The following DPH6 variants were observed in gnomAD, a reference collection of about 807,000 sequenced individuals.
DPH6 encodes the protein diphthamine biosynthesis 6.
DPH6 carries 33 observed loss-of-function variants against 38.2 expected under a neutral mutation model. The observed-to-expected ratio is 0.86, with a 90% CI of 0.65 to 1.15. The LOEUF is 1.15. DPH6 is among the 50% of genes most tolerant of loss of function. The probability of loss-of-function intolerance (pLI) is 0.00; values close to 1 mark genes in which losing one functional copy is unlikely to be tolerated. For synonymous variants in DPH6, 108 were observed against 103.0 expected, an observed-to-expected ratio of 1.05 and a Z score of -0.30; for missense variants, 325 against 320.0, an observed-to-expected ratio of 1.02 and a Z score of -0.12.
At chr15:35,272,112 A>T (rs1338436222) in intron 3 of DPH6, among the ~76,000 whole-genome samples, 2 of 152,222 alleles carry the variant, frequency 1.3e-5, no homozygotes, top group Non-Finnish European at 2.9e-5. Context: ...AAAATATTTT[A>T]AAAAATCAAT....
At chr15:35,362,330 G>A (rs1359744287) in intron 3 of DPH6, among the ~76,000 whole-genome samples, 1 of 152,128 alleles carries the variant, frequency 6.6e-6, no homozygotes, top group Non-Finnish European at 1.5e-5. Context: ...TGGCCCTCAG[G>A]AATCCAAAAC....
intron 5 of DPH6, among the ~76,000 whole-genome samples, chr15:35,438,152 T>C (rs2141051121): frequency 6.6e-6 from 1 of 152,376 alleles, no homozygotes; most frequent in South Asian, 2.1e-4. Flanking sequence ...TTTTCTCTTC[T>C]TGTATCTCGT....
At chr15:35,356,604 G>T (rs1460817787) in intron 3 of DPH6, among the ~76,000 whole-genome samples, 2 of 152,174 alleles carry the variant, frequency 1.3e-5, no homozygotes, top group Non-Finnish European at 2.9e-5. Context: ...AGCGGATATT[G>T]GTGAACAGCA....
intron 3 of DPH6, among the ~76,000 whole-genome samples, chr15:35,236,596 G>A (rs1009317804): frequency 8.0e-5 from 12 of 150,438 alleles, no homozygotes; most frequent in East Asian, 1.9e-4. Flanking sequence ...CCCAGATCGC[G>A]CCACTGCACT....
chr15:35,148,851 C>T, the DPH6 span, among the ~76,000 whole-genome samples: 1 of 152,274 alleles, frequency 6.6e-6, no homozygotes, highest in African/African-American at 2.4e-5. Flanking sequence ...AAAAAGGGCA[C>T]AGAAATACCA....
At chr15:35,462,720 T>C (rs560689922) in intron 3 of DPH6, among the ~76,000 whole-genome samples, 1 of 152,342 alleles carries the variant, frequency 6.6e-6, no homozygotes, top group Non-Finnish European at 1.5e-5. Flanking sequence ...TACCTAAAAT[T>C]ATATCATTTT....
chr15:35,505,564 A>G (rs1204245267), intron 3 of DPH6, among the ~76,000 whole-genome samples: 1 of 152,084 alleles, frequency 6.6e-6, no homozygotes, highest in African/African-American at 2.4e-5. Context: ...GTTGCATTTA[A>G]TAATATGAGT....
intron 3 of DPH6, among the ~76,000 whole-genome samples, chr15:35,332,255 G>A (rs1337107399): frequency 6.6e-6 from 1 of 152,246 alleles, no homozygotes; most frequent in East Asian, 1.9e-4. Flanking sequence ...GTGTGTGAGT[G>A]TAAGTGGGTT....
At position 35,314,530 on chromosome 15, in the gene DPH6, T is replaced by A. The variant is rs1472273035; in HGVS notation, n.200+58991A>T. The stretch of plus-strand genomic sequence containing the variant: ...AACTGCTAACAAATGTCCAGTGCAG[T>A]GGTGGTTCGAGAAGTTTCACAAAGG... On this transcript the variant is annotated intron_variant and non_coding_transcript_variant, in intron 3 of 3. Transcript: ENST00000560386. Among the ~76,000 whole-genome samples, 3 of 152,074 alleles carry A rather than the reference T, an allele frequency of 2.0e-5. No individual in the cohort carries two copies. In the East Asian group the frequency reaches 5.8e-4, roughly 29 times the overall value.
At chr15:35,315,430 G>C (rs1566867407) in intron 3 of DPH6, among the ~76,000 whole-genome samples, 1 of 152,194 alleles carries the variant, frequency 6.6e-6, no homozygotes, top group Non-Finnish European at 1.5e-5. Context: ...ATGTGTTTGA[G>C]CATAGTTATA....
At chr15:35,166,493 G>T in the DPH6 span, among the ~76,000 whole-genome samples, 33,058 of 151,720 alleles carry the variant, frequency 0.22, 3,812 homozygotes, top group East Asian at 0.39. Context: ...GCCCAGTCAA[G>T]AACTTAGAAG....
intron 3 of DPH6, among the ~76,000 whole-genome samples, chr15:35,245,404 A>G (rs2051630458): frequency 1.3e-5 from 2 of 151,796 alleles, no homozygotes; most frequent in Non-Finnish European, 2.9e-5. Flanking sequence ...ATGCCCGGAT[A>G]ATTTTTTGTA....
chr15:35,174,531 T>C, the DPH6 span, among the ~76,000 whole-genome samples: 10 of 152,144 alleles, frequency 6.6e-5, no homozygotes, highest in African/African-American at 1.9e-4. Context: ...GAAACAAAAA[T>C]AAATTGAACA....
At chr15:35,305,851 G>A (rs1180443107) in intron 3 of DPH6, among the ~76,000 whole-genome samples, 3 of 152,060 alleles carry the variant, frequency 2.0e-5, no homozygotes, top group African/African-American at 4.8e-5. Flanking sequence ...AAGCTAAATC[G>A]AGTCTTATAA....
intron 3 of DPH6, among the ~76,000 whole-genome samples, chr15:35,296,091 T>C (rs1410828182): frequency 1.3e-5 from 2 of 151,722 alleles, no homozygotes; most frequent in African/African-American, 4.8e-5. Context: ...AGGCGCCCGC[T>C]ACCATGTCCG....
chr15:35,397,866 TATACACAC>T (rs1258630625), intron 6 of DPH6, among the ~76,000 whole-genome samples: 3 of 88,826 alleles, frequency 3.4e-5, no homozygotes, highest in African/African-American at 1.4e-4. Context: ...AATTTATATA[TATACACAC>T]ACACACACAC....
At chr15:35,199,194 T>C in the DPH6 span, among the ~76,000 whole-genome samples, 1 of 152,190 alleles carries the variant, frequency 6.6e-6, no homozygotes, top group Non-Finnish European at 1.5e-5. Context: ...ATTACAGGCG[T>C]GAGCCACCAC....
intron 5 of DPH6, among the ~76,000 whole-genome samples, chr15:35,434,666 G>A (rs2053673909): frequency 6.6e-6 from 1 of 152,106 alleles, no homozygotes; most frequent in Admixed American, 6.5e-5. Flanking sequence ...TGTAAAGAAA[G>A]GTTGCAGTGG....
intron 3 of DPH6, among the ~76,000 whole-genome samples, chr15:35,499,802 G>C (rs2054603121): frequency 6.6e-6 from 1 of 152,194 alleles, no homozygotes; most frequent in Admixed American, 6.5e-5. Flanking sequence ...TGCCAGTTGG[G>C]AATAGGTAGA....
Sources: allele counts gnomAD v4.1 joint callset (sites outside exome capture counted in the v4.1 genomes callset), GRCh38; gene constraint gnomAD v4.1.1; transcripts MANE v1.5; gene names NCBI Gene and HGNC (gene_info 2026-07-23, HGNC 2026-07-21).